The following TSHZ2 variants were observed in gnomAD, a reference collection of about 807,000 sequenced individuals.
The protein encoded by TSHZ2 is teashirt homolog 2.
TSHZ2 carries 21 observed loss-of-function variants against 74.4 expected under a neutral mutation model. That is an observed-to-expected ratio of 0.28 (90% CI 0.20 to 0.41). The LOEUF is 0.41. TSHZ2 is among the 10% of genes least tolerant of loss of function. TSHZ2 has a pLI of 1.00. For synonymous variants in TSHZ2, 540 were observed against 515.3 expected, an observed-to-expected ratio of 1.05 and a Z score of -0.65; for missense variants, 1,244 against 1,293.5, an observed-to-expected ratio of 0.96 and a Z score of 0.59.
rs140352067 is a variant in TSHZ2, at chr20:53,025,941, C to G, written c.40+52608C>G. ...TTCTCTTTCACCCAGACAGTAGTCC[C>G]TGAGAAAAGCGACAGAAGTAGAGCC... On this transcript the variant is annotated intron_variant, in intron 1 of 2. Coordinates refer to ENST00000371497, the MANE Select transcript of TSHZ2 (RefSeq NM_173485.6). Among the ~76,000 whole-genome samples, 20 of 152,226 alleles carry G rather than the reference C, an allele frequency of 1.3e-4. No individual in the cohort carries two copies. In the East Asian group the frequency reaches 2.9e-3, roughly 22 times the overall value.
intron 2 of TSHZ2, among the ~76,000 whole-genome samples, chr20:53,464,146 A>T (rs1481030441): frequency 1.3e-5 from 2 of 152,220 alleles, no homozygotes; most frequent in African/African-American, 4.8e-5. Flanking sequence ...ACAGCCATGG[A>T]CCAGGAGCCA....
intron 1 of TSHZ2, among the ~76,000 whole-genome samples, chr20:53,220,247 A>G (rs891250693): frequency 1.3e-5 from 2 of 152,214 alleles, no homozygotes; most frequent in African/African-American, 4.8e-5. Context: ...TTGGAGCAAA[A>G]AGCTACTAAG....
intron 2 of TSHZ2, among the ~76,000 whole-genome samples, chr20:53,266,772 ATTTTT>A (rs11344692): frequency 1.0e-5 from 1 of 98,764 alleles, no homozygotes; most frequent in Admixed American, 1.1e-4. Context: ...CCGATCGACG[ATTTTT>A]TTTTTTTTTT....
At chr20:53,168,072 C>CT (rs1053267031) in intron 1 of TSHZ2, among the ~76,000 whole-genome samples, 67 of 152,246 alleles carry the variant, frequency 4.4e-4, no homozygotes, top group African/African-American at 1.5e-3. Flanking sequence ...GGTCATTGTT[C>CT]TTTTTGGCAT....
intron 2 of TSHZ2, among the ~76,000 whole-genome samples, chr20:53,291,829 C>T (rs112285622): frequency 6.6e-6 from 1 of 152,140 alleles, no homozygotes; most frequent in African/African-American, 2.4e-5. Flanking sequence ...CAAAGCCCTA[C>T]GTTGGTACAT....
intron 2 of TSHZ2, among the ~76,000 whole-genome samples, chr20:53,446,037 C>A (rs567421618): frequency 6.6e-5 from 10 of 152,172 alleles, no homozygotes; most frequent in African/African-American, 1.9e-4. Flanking sequence ...AACCCCAGTA[C>A]TTTACCCGCT....
chr20:53,370,220 G>A (rs941015324), intron 2 of TSHZ2, among the ~76,000 whole-genome samples: 9 of 152,094 alleles, frequency 5.9e-5, no homozygotes, highest in East Asian at 3.9e-4. Context: ...CTGAGCCGAC[G>A]AGGGCATGAA....
intron 1 of TSHZ2, among the ~76,000 whole-genome samples, chr20:52,981,484 C>A (rs571110895): frequency 1.3e-5 from 2 of 152,240 alleles, no homozygotes; most frequent in East Asian, 3.9e-4. Flanking sequence ...TGTTAGGCAC[C>A]ACAGGGATAC....
chr20:53,166,574 C>T (rs1988067322), intron 1 of TSHZ2, among the ~76,000 whole-genome samples: 1 of 152,080 alleles, frequency 6.6e-6, no homozygotes, highest in Admixed American at 6.6e-5. Context: ...AGTTCAAGAC[C>T]AGCCTGGCCA....
At chr20:53,106,222 C>G (rs1410352510) in intron 1 of TSHZ2, among the ~76,000 whole-genome samples, 3 of 152,030 alleles carry the variant, frequency 2.0e-5, no homozygotes, top group African/African-American at 7.2e-5. Flanking sequence ...TACCCATTGA[C>G]TGAGGTCTCC....
Position 53,494,111 on chromosome 20 carries a change from C to T in TSHZ2, c.*6976C>T, listed in dbSNP as rs1210673849. ...ACCAACCTGGCCAACATGGCAAAACCTCGTCTCTACTAAAAATACAAAAAA... is the reference window on the plus strand; with the variant it reads ...ACCAACCTGGCCAACATGGCAAAACTTCGTCTCTACTAAAAATACAAAAAA... On this transcript the variant is annotated 3_prime_UTR_variant, in exon 3 of 3. Coordinates refer to ENST00000371497, the MANE Select transcript of TSHZ2 (RefSeq NM_173485.6). 1 of 152,224 alleles carries T rather than the reference C, an allele frequency of 6.6e-6. No individual in the cohort carries two copies. The highest frequency in any genetic ancestry group is 2.4e-5 in the African/African-American group (1 of 41,412). The allele number at this position is 152,224 out of a possible 1,614,324, so 9.4% of individuals were successfully genotyped here. A position where few individuals can be genotyped will look rare whatever the true frequency, so the allele number is the denominator to read the frequency against.
In TSHZ2 at chr20:53,415,067, G is replaced by A. The variant is rs1401325004; in HGVS notation, c.*9-72077G>A. Among the ~76,000 whole-genome samples the A allele has an allele frequency of 2.0e-5, 3 of 152,136 alleles. No individual in the cohort carries two copies. In the East Asian group the frequency reaches 5.8e-4, roughly 29 times the overall value. Reference sequence around the variant, plus strand: ...TTCTAACTGCGAGCTTTACAAAGGTGGCAGCGAATCAAGATAGTCACTATT... The same window carrying A: ...TTCTAACTGCGAGCTTTACAAAGGTAGCAGCGAATCAAGATAGTCACTATT... On this transcript the variant is annotated intron_variant, in intron 2 of 2. Transcript: ENST00000371497.
intron 2 of TSHZ2, among the ~76,000 whole-genome samples, chr20:53,469,541 AAAAGAAAGAAGGAGGGAAGGAAGG>A (rs1413782629): frequency 7.0e-6 from 1 of 143,264 alleles, no homozygotes; most frequent in Non-Finnish European, 1.5e-5. Context: ...CTCTGTCAAG[AAAAGAAAGAAGGAGGGAAGGAAGG>A]AAGGAAGGAA....
Position 53,201,712 on chromosome 20 carries a change from G to C in TSHZ2, c.41-51787G>C, listed in dbSNP as rs201911043. Among the ~76,000 whole-genome samples, 23 of 152,234 alleles carry C rather than the reference G, an allele frequency of 1.5e-4. No individual in the cohort carries two copies. The East Asian group carries it at 3.3e-3, about 22-fold the overall frequency. On this transcript the variant is annotated intron_variant, in intron 1 of 2. Transcript: ENST00000371497. ...GAGGGCTGTGAGGTTTCAAGCCTCA[G>C]CACTATGGACATTTTGATCCACACC... is the stretch of plus-strand genomic sequence containing the variant.
intron 2 of TSHZ2, among the ~76,000 whole-genome samples, chr20:53,406,354 C>T (rs1412292004): frequency 2.6e-5 from 4 of 152,136 alleles, no homozygotes; most frequent in Admixed American, 2.6e-4. Flanking sequence ...AGGTTTTAAG[C>T]CAGGAGGTGA....
At chr20:53,420,445 G>C (rs952946042) in intron 2 of TSHZ2, among the ~76,000 whole-genome samples, 2 of 152,146 alleles carry the variant, frequency 1.3e-5, no homozygotes, top group Non-Finnish European at 2.9e-5. Context: ...TTGAAAAAAA[G>C]TGGGCCAGGC....
chr20:53,404,078 T>G (rs561266592), intron 2 of TSHZ2, among the ~76,000 whole-genome samples: 1 of 152,352 alleles, frequency 6.6e-6, no homozygotes, highest in South Asian at 2.1e-4. Flanking sequence ...TTGTGTCTAG[T>G]CAATTACAAG....
chr20:53,123,923 G>A (rs749590557), intron 1 of TSHZ2, among the ~76,000 whole-genome samples: 8 of 152,140 alleles, frequency 5.3e-5, no homozygotes, highest in South Asian at 2.1e-4. Context: ...ACAATTCTCC[G>A]TGTTAATGCA....
intron 2 of TSHZ2, among the ~76,000 whole-genome samples, chr20:53,472,130 T>A (rs891044294): frequency 9.9e-5 from 15 of 152,120 alleles, no homozygotes; most frequent in African/African-American, 3.1e-4. Flanking sequence ...TAAGCTGGAA[T>A]GAGGAGTGAC....
Sources: gnomAD v4.1 joint callset for allele counts (sites outside exome capture counted in the v4.1 genomes callset) on GRCh38, gnomAD v4.1.1 for gene constraint, MANE v1.5 for transcripts, NCBI Gene and HGNC (gene_info 2026-07-23, HGNC 2026-07-21) for gene names.